Variants in NALF1 observed in about 807,000 individuals in gnomAD.
NALF1 encodes the protein NALCN channel auxiliary factor 1, also known as family with sequence similarity 155 member A.
In NALF1, 3 loss-of-function variants were observed where a neutral mutation model predicts 48.4. The ratio of observed to expected loss-of-function variants is 0.06; its 90% CI spans 0.03 to 0.16. NALF1 has a LOEUF of 0.16. Among genes scored for constraint, NALF1 ranks in the 10% least tolerant of loss-of-function variants. The pLI, the probability that NALF1 is intolerant of heterozygous loss-of-function variation, is 1.00. For synonymous variants in NALF1, 262 were observed against 245.7 expected, an observed-to-expected ratio of 1.07 and a Z score of -0.62; for missense variants, 526 against 571.5, an observed-to-expected ratio of 0.92 and a Z score of 0.81.
chr13:107,172,914 C>T (rs1878835558), intron 2 of NALF1, among the ~76,000 whole-genome samples: 1 of 152,162 alleles, frequency 6.6e-6, no homozygotes, highest in Non-Finnish European at 1.5e-5. Flanking sequence ...GCAGTTCATT[C>T]AGGCCAATAA....
chr13:107,755,021 A>G (rs1439762897), intron 1 of NALF1, among the ~76,000 whole-genome samples: 1 of 152,214 alleles, frequency 6.6e-6, no homozygotes, highest in African/African-American at 2.4e-5. Flanking sequence ...CTCCTTCAGT[A>G]ACTGTGTAAT....
chr13:107,598,057 G>A (rs1297420099), intron 1 of NALF1, among the ~76,000 whole-genome samples: 2 of 152,144 alleles, frequency 1.3e-5, no homozygotes, highest in Non-Finnish European at 2.9e-5. Flanking sequence ...TAATGTGATA[G>A]TATCCTCTAT....
intron 1 of NALF1, among the ~76,000 whole-genome samples, chr13:107,741,051 T>G (rs952848437): frequency 6.6e-6 from 1 of 152,222 alleles, no homozygotes; most frequent in African/African-American, 2.4e-5. Flanking sequence ...AGGAATCACA[T>G]TGATTCTCTT....
At chr13:107,295,100 C>T (rs1412647681) in intron 1 of NALF1, among the ~76,000 whole-genome samples, 5 of 152,090 alleles carry the variant, frequency 3.3e-5, no homozygotes, top group African/African-American at 1.2e-4. Flanking sequence ...TCACCCAGGT[C>T]GTGAGCATAG....
intron 1 of NALF1, among the ~76,000 whole-genome samples, chr13:107,736,602 CT>C (rs1566462894): frequency 6.6e-6 from 1 of 152,184 alleles, no homozygotes; most frequent in Non-Finnish European, 1.5e-5. Flanking sequence ...TACACTCCCA[CT>C]GTTCAATTTG....
intron 1 of NALF1, among the ~76,000 whole-genome samples, chr13:107,255,629 CATTT>C (rs1315542820): frequency 2.6e-5 from 4 of 152,160 alleles, no homozygotes; most frequent in African/African-American, 9.7e-5. Context: ...CAGTAATTAA[CATTT>C]ATCATGTTCT....
chr13:107,241,526 G>A (rs753829380), intron 1 of NALF1, among the ~76,000 whole-genome samples: 13 of 152,148 alleles, frequency 8.5e-5, no homozygotes, highest in Non-Finnish European at 1.2e-4. Flanking sequence ...CCACGAGCAC[G>A]TTCCTTAAAC....
At chr13:107,218,264 C>T (rs549400523) in intron 1 of NALF1, among the ~76,000 whole-genome samples, 4 of 152,326 alleles carry the variant, frequency 2.6e-5, no homozygotes, top group South Asian at 4.1e-4. Context: ...AGCTCTTCTT[C>T]GGCAGTTCAG....
intron 1 of NALF1, among the ~76,000 whole-genome samples, chr13:107,537,339 C>G (rs774192115): frequency 6.6e-6 from 1 of 152,080 alleles, no homozygotes; most frequent in Admixed American, 6.6e-5. Context: ...AGTTTTATAA[C>G]TGAGATGTAA....
intron 1 of NALF1, among the ~76,000 whole-genome samples, chr13:107,384,049 G>C (rs1035669155): frequency 6.6e-6 from 1 of 152,124 alleles, no homozygotes; most frequent in Admixed American, 6.5e-5. Context: ...AGGAGTTCAA[G>C]ATCAGCCTGG....
At chr13:107,863,060 T>C (rs1429819650) in intron 1 of NALF1, among the ~76,000 whole-genome samples, 1 of 151,414 alleles carries the variant, frequency 6.6e-6, no homozygotes, top group Non-Finnish European at 1.5e-5. Flanking sequence ...TTAATTTTAA[T>C]GAAAATATTA....
At chr13:107,783,661 G>A (rs1489983254) in intron 1 of NALF1, among the ~76,000 whole-genome samples, 2 of 151,810 alleles carry the variant, frequency 1.3e-5, no homozygotes, top group South Asian at 2.1e-4. Flanking sequence ...GATGCTTGAA[G>A]GCAGCATGCT....
At chr13:107,778,506 T>A (rs1286599347) in intron 1 of NALF1, among the ~76,000 whole-genome samples, 1 of 152,232 alleles carries the variant, frequency 6.6e-6, no homozygotes, top group South Asian at 2.1e-4. Context: ...GGAAAAGATA[T>A]GACTCTTGAT....
intron 1 of NALF1, among the ~76,000 whole-genome samples, 197 bp downstream of exon 1, chr13:107,865,482 CAGA>C (rs1186971948): frequency 2.0e-5 from 3 of 152,136 alleles, no homozygotes; most frequent in African/African-American, 4.8e-5. Context: ...CAAGGACTCC[CAGA>C]AGAAGGCATC....
intron 1 of NALF1, among the ~76,000 whole-genome samples, chr13:107,634,196 G>A (rs1350050684): frequency 6.6e-6 from 1 of 152,016 alleles, no homozygotes; most frequent in African/African-American, 2.4e-5. Flanking sequence ...CCTCTGGAAA[G>A]GGAGGCAAAG....
chr13:107,170,682 A>G lies in NALF1; in HGVS notation c.1192T>C (p.Ser398Pro). ...PSKGTVEKSG[S>P]CHRTSLTVSS... is the part of the protein sequence containing the mutation. ...ACTGTGAGCGATGTCCTGTGACAGG[A>G]GCCACTTTTCTCTACGGTCCCTTTG... The change falls in exon 3 of 3, where the codon TCC becomes CCC. Residue 398 changes from serine (S) to proline (P), a missense_variant. By Grantham distance (74) the Ser-to-Pro change is moderately conservative (BLOSUM62 -1). Transcript: ENST00000375915. 2.5e-6 allele frequency: 4 copies of G among 1,614,210 alleles called. No individual in the cohort carries two copies. Among genetic ancestry groups the G allele is most frequent in the Non-Finnish European group, 3.4e-6 (4 of 1,180,040 alleles).
intron 1 of NALF1, among the ~76,000 whole-genome samples, chr13:107,415,378 AGT>A (rs1884067837): frequency 7.0e-6 from 1 of 142,062 alleles, no homozygotes; most frequent in African/African-American, 2.5e-5. Context: ...ATAAGGAGAG[AGT>A]TTTTTTTTTT....
At chr13:107,174,363 ATTT>A (rs376258353) in intron 2 of NALF1, among the ~76,000 whole-genome samples, 1 of 144,254 alleles carries the variant, frequency 6.9e-6, no homozygotes, top group African/African-American at 2.5e-5. Flanking sequence ...TTATTTATTT[ATTT>A]TTTTTTTTGA....
At chr13:107,335,686 T>C (rs1882542723) in intron 1 of NALF1, among the ~76,000 whole-genome samples, 1 of 152,178 alleles carries the variant, frequency 6.6e-6, no homozygotes, top group Non-Finnish European at 1.5e-5. Context: ...TAAATGATAA[T>C]GTACTGTTTT....
Sources: allele counts gnomAD v4.1 joint callset (sites outside exome capture counted in the v4.1 genomes callset), GRCh38; gene constraint gnomAD v4.1.1; transcripts MANE v1.5; gene names NCBI Gene and HGNC (gene_info 2026-07-23, HGNC 2026-07-21).